CSF2RA: variants seen among roughly 807,000 people sequenced by gnomAD.
CSF2RA encodes colony stimulating factor 2 receptor subunit alpha.
A neutral mutation model predicts 51.6 loss-of-function variants in CSF2RA; 42 were observed. The observed-to-expected ratio is 0.81, with a 90% CI of 0.64 to 1.05. The LOEUF is 1.05. Among genes scored for constraint, CSF2RA ranks in the 50% least tolerant of loss-of-function variants. CSF2RA has a pLI of 0.00. For synonymous variants in CSF2RA, 222 were observed against 193.0 expected (o/e 1.15, Z -1.24); for missense variants, 530 against 501.1 (o/e 1.06, Z -0.55).
chrX:1,280,931 C>CCTCCTCCTCCTCCTGCTT (rs1569494394), intron 2 of CSF2RA, among the ~76,000 whole-genome samples: 34 of 112,738 alleles, frequency 3.0e-4, no homozygotes, highest in Non-Finnish European at 4.6e-4. Context: ...TCCTCCTTCT[C>CCTCCTCCTCCTCCTGCTT]CTCCTCCTCC....
intron 7 of CSF2RA, among the ~76,000 whole-genome samples, chrX:1,292,944 C>T (rs1248807161): frequency 3.7e-4 from 57 of 152,278 alleles, no homozygotes; most frequent in Middle Eastern, 6.8e-3. Context: ...TACCCGGGCT[C>T]TCTCGGGCAG....
chrX:1,307,949 C>T (rs112152322), intron 12 of CSF2RA, among the ~76,000 whole-genome samples: 1 of 151,178 alleles, frequency 6.6e-6, no homozygotes, highest in Non-Finnish European at 1.5e-5. Flanking sequence ...GAAGCCCACC[C>T]TTCCCCCCTT....
At chrX:1,308,858 A>T (rs1355457021) in intron 12 of CSF2RA, among the ~76,000 whole-genome samples, 6 of 152,076 alleles carry the variant, frequency 3.9e-5, no homozygotes, top group African/African-American at 1.4e-4. Context: ...CATGCTCACA[A>T]GCTCTTCCAA....
chrX:1,288,158 G>C (rs1323912659), intron 4 of CSF2RA, among the ~76,000 whole-genome samples: 1 of 151,926 alleles, frequency 6.6e-6, no homozygotes, highest in African/African-American at 2.4e-5. Flanking sequence ...CACAAAGGGA[G>C]GCAGGTGCGT....
chrX:1,305,536 G>T lies in CSF2RA; in HGVS notation c.1125+9G>T, dbSNP rs748672960. On this transcript the variant is annotated intron_variant, in intron 12 of 12. Coordinates refer to ENST00000381529, the MANE Select transcript of CSF2RA (RefSeq NM_172245.4). ...ATGAGGTGGAAGACGAGGTAGGCAG[G>T]GGTGGGCGGAGCAGTGACCTGGGAT... 4 of 1,613,994 alleles carry T rather than the reference G, an allele frequency of 2.5e-6. No homozygotes were observed. In the East Asian group the frequency reaches 6.7e-5, roughly 27 times the overall value.
At chrX:1,280,005 G>A (rs1288413461) in intron 2 of CSF2RA, among the ~76,000 whole-genome samples, 1 of 151,818 alleles carries the variant, frequency 6.6e-6, no homozygotes, top group Non-Finnish European at 1.5e-5. Flanking sequence ...AGCCAAGCTG[G>A]TCCCGAACTC....
intron 12 of CSF2RA, among the ~76,000 whole-genome samples, chrX:1,306,842 C>T (rs1205539787): frequency 1.4e-5 from 2 of 146,596 alleles, no homozygotes; most frequent in Admixed American, 6.8e-5. Flanking sequence ...AACAGAGAGA[C>T]ATAGGTGGAC....
At chrX:1,311,563 G>C (rs1354763731), downstream of CSF2RA, among the ~76,000 whole-genome samples, 1 of 151,652 alleles carries the variant, frequency 6.6e-6, no homozygotes. Context: ...CCTCCCAAGT[G>C]GCTGGGAGTA....
At chrX:1,322,439 G>GTT in the CSF2RA span, among the ~76,000 whole-genome samples, 5,349 of 120,372 alleles carry the variant, frequency 0.044, 241 homozygotes, top group African/African-American at 0.097. Context: ...GTGTGTGTTT[G>GTT]TTTTTTTTTT....
downstream of CSF2RA, among the ~76,000 whole-genome samples, chrX:1,314,300 ACTCTGTGCCTGCCCAAC>A (rs1569514749): frequency 1.1e-3 from 44 of 41,834 alleles, 4 homozygotes; most frequent in Admixed American, 2.7e-3. Context: ...CTGCCCAACC[ACTCTGTGCCTGCCCAAC>A]CACACTGCAC....
chrX:1,272,197 G>A (rs1461868929), intron 1 of CSF2RA, among the ~76,000 whole-genome samples: 1 of 151,452 alleles, frequency 6.6e-6, no homozygotes, highest in Non-Finnish European at 1.5e-5. Context: ...CAGGTGATCC[G>A]CCTGCCTCGG....
chrX:1,277,573 G>C (rs1296870265), intron 2 of CSF2RA, among the ~76,000 whole-genome samples: 3 of 133,554 alleles, frequency 2.2e-5, no homozygotes, highest in African/African-American at 8.3e-5. Context: ...TCCAGCCTGG[G>C]CGATAGAGTA....
At chrX:1,322,787 A>G in the CSF2RA span, among the ~76,000 whole-genome samples, 14 of 152,126 alleles carry the variant, frequency 9.2e-5, no homozygotes, top group South Asian at 2.9e-3. Flanking sequence ...TAACCTCAGA[A>G]TGGGACATTA....
In CSF2RA at chrX:1,307,772, A is replaced by C. The variant is rs1264341930; in HGVS notation, c.1126-1630A>C. Among the ~76,000 whole-genome samples the C allele has an allele frequency of 1.5e-3, 215 of 142,804 alleles. 11 individuals are homozygous for C. Among genetic ancestry groups the C allele is most frequent in the African/African-American group, 5.1e-3 (206 of 40,214 alleles). 93.7% of individuals were successfully genotyped at this position (142,804 alleles called of 152,430 possible). A position where few individuals can be genotyped will look rare whatever the true frequency, so the allele number is the denominator to read the frequency against. On this transcript the variant is annotated intron_variant, in intron 12 of 12. Coordinates refer to ENST00000381529, the MANE Select transcript of CSF2RA (RefSeq NM_172245.4). ...CCCCCATTTAGATCTTCAACTGATT[A>C]GATGAGGCCCACCTTTCCCTTTTTA...
intron 9 of CSF2RA, among the ~76,000 whole-genome samples, chrX:1,297,890 C>G (rs2092077765): frequency 1.3e-4 from 14 of 104,554 alleles, no homozygotes; most frequent in Non-Finnish European, 2.3e-4. Context: ...CCTACAGTCC[C>G]CTACTCACGA....
chrX:1,278,883 C>T (rs58457315), intron 2 of CSF2RA, among the ~76,000 whole-genome samples: 17,460 of 147,638 alleles, frequency 0.12, 813 homozygotes, highest in East Asian at 0.3. Flanking sequence ...ACTAAAAATA[C>T]AAAAATTAGC....
intron 8 of CSF2RA, among the ~76,000 whole-genome samples, chrX:1,295,154 A>T (rs1483656257): frequency 2.6e-5 from 4 of 151,932 alleles, no homozygotes; most frequent in Non-Finnish European, 4.4e-5. Context: ...CTCCATGTCT[A>T]CCTGGACGAC....
At chrX:1,279,608 C>T (rs73618027) in intron 2 of CSF2RA, among the ~76,000 whole-genome samples, 3,050 of 151,708 alleles carry the variant, frequency 0.02, 124 homozygotes, top group African/African-American at 0.07. Flanking sequence ...CTCCAAGAAG[C>T]GGGGTGCCAC....
In CSF2RA at chrX:1,303,789, C is replaced by G. The variant is rs2083260580; in HGVS notation, c.947-134C>G. 6.1e-6 allele frequency: 5 copies of G among 823,142 alleles called. No homozygotes were observed. In the Admixed American group the frequency reaches 8.7e-5, roughly 14 times the overall value. 51.0% of individuals were successfully genotyped at this position (823,142 alleles called of 1,614,324 possible). ...TAGTTAAGAACCAAAAACAGGGAGG[C>G]AGGTTTGCTGGGCCCAGTTCTCAGC... On this transcript the variant is annotated intron_variant, in intron 10 of 12. Transcript: ENST00000381529.
Sources: gnomAD v4.1 joint callset for allele counts (sites outside exome capture counted in the v4.1 genomes callset) on GRCh38, gnomAD v4.1.1 for gene constraint, MANE v1.5 for transcripts, NCBI Gene and HGNC (gene_info 2026-07-23, HGNC 2026-07-21) for gene names.